Variants in NUP210 observed in about 807,000 individuals in gnomAD.
NUP210 encodes nucleoporin 210, also known as nuclear pore membrane glycoprotein 210.
Under a neutral mutation model 196.0 loss-of-function variants are expected in NUP210, and 151 were observed. The observed-to-expected ratio is 0.77, with a 90% CI of 0.67 to 0.88. The LOEUF is 0.88. NUP210 is among the 40% of genes least tolerant of loss of function. The pLI is 0.00. For synonymous variants in NUP210, 1,070 were observed against 1,052.7 expected, an observed-to-expected ratio of 1.02 and a Z score of -0.32; for missense variants, 2,314 against 2,493.7, an observed-to-expected ratio of 0.93 and a Z score of 1.53.
chr3:13,405,366 G>C (rs1164368177), intron 1 of NUP210, among the ~76,000 whole-genome samples: 3 of 152,164 alleles, frequency 2.0e-5, no homozygotes, highest in African/African-American at 2.4e-5. Context: ...TCTTGAGCCT[G>C]CTGGCCTTCA....
chr3:13,330,581 G>A lies in NUP210; in HGVS notation c.3989C>T (p.Pro1330Leu). The part of the protein sequence containing the change: ...YRVLDGPEKV[P>L]VVHVDEKGFL... The stretch of plus-strand genomic sequence containing the variant: ...GCCTTTCTCATCAACATGCACAACT[G>A]GAACCTTTTCGGGTCCATCCAGGAC... Residue 1330 changes from proline (P) to leucine (L), a missense_variant, in exon 30 of 40, where the codon CCA (proline) becomes CTA (leucine). Pro to Leu is a moderately conservative substitution (Grantham distance 98, BLOSUM62 -3). Transcript: ENST00000254508. 1.2e-6 allele frequency: 2 copies of A among 1,614,206 alleles called. No homozygotes were observed. Among genetic ancestry groups the A allele is most frequent in the South Asian group, 1.1e-5 (1 of 91,082 alleles).
Position 13,319,956 on chromosome 3 carries a change from C to A in NUP210, c.5190G>T (p.Val1730=), listed in dbSNP as rs769296598. The A allele has an allele frequency of 1.9e-6, 3 of 1,613,986 alleles. No individual in the cohort carries two copies. Among genetic ancestry groups the A allele is most frequent in the Non-Finnish European group, 2.5e-6 (3 of 1,180,040 alleles). Residue 1730 remains valine (V), a synonymous_variant, in exon 37 of 40, where the codon GTG becomes GTT. Coordinates refer to ENST00000254508, the MANE Select transcript of NUP210 (RefSeq NM_024923.4). ...AAGACTTCTCCTTTGCGAATGCCAG[C>A]ACGGCCGGGGACCCGGATTTCACCT... ...NLEVKSGSPA[V]LAFAKEKSFG...
intron 20 of NUP210, among the ~76,000 whole-genome samples, chr3:13,351,194 G>A (rs756798635): frequency 6.6e-6 from 1 of 152,204 alleles, no homozygotes; most frequent in Admixed American, 6.5e-5. Flanking sequence ...CATGCCATGA[G>A]CACAGCTAAA....
intron 32 of NUP210, 48 bp downstream of exon 32, chr3:13,327,169 G>A (rs1301560035): frequency 6.6e-7 from 1 of 1,507,968 alleles, no homozygotes; most frequent in South Asian, 1.2e-5. Flanking sequence ...ACCCAGCTTT[G>A]CAAGCGTCCG....
intron 1 of NUP210, among the ~76,000 whole-genome samples, chr3:13,404,400 A>C (rs1248650496): frequency 6.6e-6 from 1 of 152,256 alleles, no homozygotes; most frequent in Non-Finnish European, 1.5e-5. Flanking sequence ...TCTTTAAAAA[A>C]AGAATGGAAA....
intron 29 of NUP210, among the ~76,000 whole-genome samples, 158 bp from the exon 30 acceptor site, chr3:13,330,792 G>C (rs115517006): frequency 6.8e-4 from 104 of 152,282 alleles, no homozygotes; most frequent in African/African-American, 2.3e-3. Context: ...CGTGCCGTCA[G>C]TTGTCTGAGG....
intron 27 of NUP210, among the ~76,000 whole-genome samples, 160 bp from the exon 28 acceptor site, chr3:13,335,772 T>C (rs1412025500): frequency 6.6e-5 from 10 of 152,264 alleles, no homozygotes; most frequent in Non-Finnish European, 2.9e-5. Flanking sequence ...TTGGGTCTGC[T>C]AACCCCAGAG....
Position 13,317,796 on chromosome 3 carries a change from G to T in NUP210, c.5564-15C>A. 1 of 1,573,816 alleles carries T rather than the reference G, an allele frequency of 6.4e-7. No individual in the cohort carries two copies. The highest frequency in any genetic ancestry group is 8.7e-7 in the Non-Finnish European group (1 of 1,150,046). ...GGCAGCGAAATCTAGGGTGGGAAGA[G>T]AGACGATGTTAGCAGCAGAGCCAGG... On this transcript the variant is annotated splice_polypyrimidine_tract_variant and intron_variant, in intron 39 of 39. Coordinates refer to ENST00000254508, the MANE Select transcript of NUP210 (RefSeq NM_024923.4).
intron 35 of NUP210, 120 bp from the exon 36 acceptor site, chr3:13,321,955 T>C: frequency 7.2e-7 from 1 of 1,396,062 alleles, no homozygotes; most frequent in South Asian, 1.3e-5. Context: ...AGGTGAGAAG[T>C]CACCTCCTCC....
rs1697405387 is a variant in NUP210 at position 13,340,126 on chromosome 3, C to T, written c.3292-93G>A. Reference sequence around the variant, plus strand: ...AGAGCCAGGGCCCCAGTGCAGGCAGCTTCTGCCTTCTTCTCCCAGTCACTG... The same window carrying T: ...AGAGCCAGGGCCCCAGTGCAGGCAGTTTCTGCCTTCTTCTCCCAGTCACTG... On this transcript the variant is annotated intron_variant, in intron 24 of 39. Transcript: ENST00000254508. This position sits in a 1 kb window ranked among gnomAD's most constrained non-coding sequence, Gnocchi z 4.0. 3 of 1,599,226 alleles carry T rather than the reference C, an allele frequency of 1.9e-6. No homozygotes were observed. Among genetic ancestry groups the T allele is most frequent in the South Asian group, 2.2e-5 (2 of 90,190 alleles).
At chr3:13,381,425 T>TTC (rs1699096054) in intron 6 of NUP210, among the ~76,000 whole-genome samples, 1 of 149,864 alleles carries the variant, frequency 6.7e-6, no homozygotes, top group African/African-American at 2.5e-5. Flanking sequence ...CTTTTCTTTT[T>TTC]TTTTTTTTTT....
intron 13 of NUP210, among the ~76,000 whole-genome samples, chr3:13,368,675 T>C (rs1352253045): frequency 2.6e-5 from 4 of 152,236 alleles, no homozygotes; most frequent in African/African-American, 9.6e-5. Flanking sequence ...AGTGGGATCA[T>C]AGAGTATTTG....
At chr3:13,351,688 G>T in intron 20 of NUP210, 191 bp downstream of exon 20, 3 of 555,982 alleles carry the variant, frequency 5.4e-6, no homozygotes, top group Non-Finnish European at 9.6e-6. Context: ...GTAGAGATGG[G>T]GGTCTCACTA....
At chr3:13,343,914 G>A (rs913990321) in intron 20 of NUP210, among the ~76,000 whole-genome samples, 1 of 152,232 alleles carries the variant, frequency 6.6e-6, no homozygotes, top group Admixed American at 6.5e-5. Flanking sequence ...TGTGCATCTC[G>A]CTCATCTTTG....
intron 30 of NUP210, among the ~76,000 whole-genome samples, chr3:13,329,657 A>C (rs1297297602): frequency 6.6e-6 from 1 of 152,218 alleles, no homozygotes; most frequent in Non-Finnish European, 1.5e-5. Context: ...TGAATTAATG[A>C]AAGAGGTCTG....
intron 32 of NUP210, among the ~76,000 whole-genome samples, chr3:13,326,403 C>T (rs1199162552): frequency 6.6e-6 from 1 of 152,148 alleles, no homozygotes; most frequent in Non-Finnish European, 1.5e-5. Context: ...ACCACATACA[C>T]ATCTGAGTTA....
intron 20 of NUP210, 85 bp downstream of exon 20, chr3:13,351,794 C>A: frequency 1.1e-6 from 1 of 910,998 alleles, no homozygotes; most frequent in Non-Finnish European, 1.8e-6. Context: ...CAAGTGCTAG[C>A]TTTCAAAATG....
intron 28 of NUP210, among the ~76,000 whole-genome samples, chr3:13,334,829 A>T (rs1402242945): frequency 6.6e-6 from 1 of 152,182 alleles, no homozygotes; most frequent in East Asian, 1.9e-4. Flanking sequence ...AGGCAGGAGA[A>T]CCACTAGACG....
chr3:13,380,303 A>C (rs1244113371), intron 6 of NUP210, among the ~76,000 whole-genome samples: 2 of 152,146 alleles, frequency 1.3e-5, no homozygotes. Context: ...ATCGATGTAC[A>C]TCTTCCTTGC....
Sources: gnomAD v4.1 joint callset for allele counts (sites outside exome capture counted in the v4.1 genomes callset) on GRCh38, gnomAD v4.1.1 for gene constraint, Gnocchi (gnomAD v3.1) non-coding constraint, MANE v1.5 for transcripts, NCBI Gene and HGNC (gene_info 2026-07-23, HGNC 2026-07-21) for gene names.